Variants in CSNK1G1 observed in about 807,000 individuals in gnomAD.
CSNK1G1 encodes casein kinase I isoform gamma-1.
A neutral mutation model predicts 59.6 loss-of-function variants in CSNK1G1; 22 were observed. That is an observed-to-expected ratio of 0.37 (90% CI 0.26 to 0.53). The LOEUF (loss-of-function observed/expected upper bound fraction) is 0.53. CSNK1G1 is among the 20% of genes least tolerant of loss of function. The pLI is 0.89. For missense variants in CSNK1G1, 384 were observed against 519.5 expected, an observed-to-expected ratio of 0.74 and a Z score of 2.54; for synonymous variants, 179 against 177.1, an observed-to-expected ratio of 1.01 and a Z score of -0.08.
At chr15:64,262,032 A>C (rs1052481388) in intron 2 of CSNK1G1, among the ~76,000 whole-genome samples, 1 of 152,202 alleles carries the variant, frequency 6.6e-6, no homozygotes. Context: ...TTAAAGTTTA[A>C]AATGAAAGGT....
At position 64,188,977 on chromosome 15, in the gene CSNK1G1, T is replaced by C. The variant is rs1292433460; in HGVS notation, c.1108-8523A>G. Reference sequence around the variant, plus strand: ...CCTGTCTCTACTAAAATTACAAAAATGAGCTGGGCATGGTGGCGCACACCT... The same window carrying C: ...CCTGTCTCTACTAAAATTACAAAAACGAGCTGGGCATGGTGGCGCACACCT... On this transcript the variant is annotated intron_variant, in intron 10 of 11. Transcript: ENST00000303052. The surrounding 1 kb of genome is among the most constrained non-coding windows in gnomAD (Gnocchi z 4.2). 2.0e-5 allele frequency among the ~76,000 whole-genome samples: 3 copies of C among 152,030 alleles called. No homozygotes were observed. The highest frequency in any genetic ancestry group is 6.6e-5 in the Admixed American group (1 of 15,260).
At chr15:64,277,768 G>A (rs1369923449) in intron 2 of CSNK1G1, among the ~76,000 whole-genome samples, 1 of 117,052 alleles carries the variant, frequency 8.5e-6, no homozygotes, top group Admixed American at 9.9e-5. Context: ...TAGCAATATT[G>A]ATATATTTAA....
rs775180562 is a variant in CSNK1G1, at chr15:64,180,344, G to A, written c.1214+4C>T. 1.4e-5 allele frequency: 23 copies of A among 1,610,204 alleles called. No individual in the cohort carries two copies. Among genetic ancestry groups the A allele is most frequent in the African/African-American group, 2.7e-5 (2 of 74,840 alleles). ...TTAAGAGCCCCCTTGAAAGATGTAC[G>A]TACTTAGCTTCCTCCACTACCTCCA... On this transcript the variant is annotated splice_donor_region_variant and intron_variant, in intron 11 of 11. Coordinates refer to ENST00000303052, the MANE Select transcript of CSNK1G1 (RefSeq NM_022048.5).
At chr15:64,233,934 A>G (rs1433638858) in intron 4 of CSNK1G1, among the ~76,000 whole-genome samples, 1 of 152,224 alleles carries the variant, frequency 6.6e-6, no homozygotes, top group Non-Finnish European at 1.5e-5. Flanking sequence ...TACAACATCA[A>G]TGGAAACATT....
chr15:64,273,155 G>C (rs555918816), intron 2 of CSNK1G1, among the ~76,000 whole-genome samples: 1 of 152,280 alleles, frequency 6.6e-6, no homozygotes, highest in South Asian at 2.1e-4. Context: ...AGAGAATCTT[G>C]AAAGTTATTA....
intron 2 of CSNK1G1, among the ~76,000 whole-genome samples, chr15:64,265,118 A>G (rs768401915): frequency 1.3e-5 from 2 of 152,200 alleles, no homozygotes; most frequent in Non-Finnish European, 2.9e-5. Context: ...AGAAAATCCC[A>G]AAGACTCCAC....
chr15:64,234,714 C>T (rs1456336876), intron 4 of CSNK1G1, among the ~76,000 whole-genome samples: 1 of 152,152 alleles, frequency 6.6e-6, no homozygotes, highest in African/African-American at 2.4e-5. Flanking sequence ...GTAAGCTCTC[C>T]ATTTCCTTGT....
intron 1 of CSNK1G1, among the ~76,000 whole-genome samples, chr15:64,317,247 C>A (rs1896323854): frequency 6.6e-6 from 1 of 152,156 alleles, no homozygotes; most frequent in African/African-American, 2.4e-5. Flanking sequence ...CGCCACTACG[C>A]CCGGCTAATT....
chr15:64,184,086 G>C (rs1008232468), intron 10 of CSNK1G1, among the ~76,000 whole-genome samples: 1 of 151,618 alleles, frequency 6.6e-6, no homozygotes, highest in Non-Finnish European at 1.5e-5. Flanking sequence ...GGCGGATCAC[G>C]AGGTCAGGAG....
chr15:64,246,639 AGGG>A (rs35838047), intron 4 of CSNK1G1, among the ~76,000 whole-genome samples: 1 of 88,958 alleles, frequency 1.1e-5, no homozygotes, highest in Admixed American at 1.2e-4. Flanking sequence ...AAAAAAAAAA[AGGG>A]GGGGGGGGAG....
At chr15:64,228,184 T>C (rs2082487196) in intron 4 of CSNK1G1, among the ~76,000 whole-genome samples, 1 of 152,214 alleles carries the variant, frequency 6.6e-6, no homozygotes, top group East Asian at 1.9e-4. Context: ...TCTGTGGTTC[T>C]CAAGCCTTGT....
In CSNK1G1 at chr15:64,242,655, T is replaced by TTTA. The variant is rs569349309; in HGVS notation, c.292+8854_292+8856dup. ...GGCTTCACTACTGAATTCAACCAGA[T>TTTA]TTATATCAATAACTAATATAAATTC... On this transcript the variant is annotated intron_variant, in intron 4 of 11. Transcript: ENST00000303052. 2.4e-3 allele frequency among the ~76,000 whole-genome samples: 363 copies of TTTA among 152,294 alleles called. 1 individual carries two copies. Among genetic ancestry groups the TTTA allele is most frequent in the African/African-American group, 8.5e-3 (353 of 41,556 alleles).
At chr15:64,261,994 T>C (rs1050480602) in intron 2 of CSNK1G1, among the ~76,000 whole-genome samples, 2 of 152,072 alleles carry the variant, frequency 1.3e-5, no homozygotes, top group East Asian at 1.9e-4. Context: ...TCCTACTTCC[T>C]GTATAATTGC....
chr15:64,219,265 C>T (rs2082354472), intron 4 of CSNK1G1, among the ~76,000 whole-genome samples: 1 of 152,206 alleles, frequency 6.6e-6, no homozygotes, highest in African/African-American at 2.4e-5. Context: ...ACATCCAAAG[C>T]AGAACACTCT....
intron 1 of CSNK1G1, among the ~76,000 whole-genome samples, chr15:64,309,309 A>AACACACACACACAC (rs66467610): frequency 4.8e-5 from 7 of 146,388 alleles, no homozygotes; most frequent in Admixed American, 1.4e-4. Flanking sequence ...TAGTGAATAA[A>AACACACACACACAC]ACACACACAC....
chr15:64,302,383 G>A (rs181692624), intron 1 of CSNK1G1, among the ~76,000 whole-genome samples: 147 of 152,212 alleles, frequency 9.7e-4, no homozygotes, highest in African/African-American at 3.3e-3. Context: ...TTACAGGCGT[G>A]AGCCACCATG....
intron 1 of CSNK1G1, among the ~76,000 whole-genome samples, chr15:64,305,715 CAAA>C (rs1895648191): frequency 9.3e-6 from 1 of 107,626 alleles, no homozygotes; most frequent in African/African-American, 3.5e-5. Flanking sequence ...AAAACAAAAA[CAAA>C]AACAAAAAAA....
intron 10 of CSNK1G1, among the ~76,000 whole-genome samples, chr15:64,189,773 T>C (rs1055875742): frequency 3.0e-4 from 46 of 152,176 alleles, no homozygotes; most frequent in African/African-American, 1.1e-3. Context: ...CAAAAAGGCA[T>C]TTCTCGTAAA....
At chr15:64,333,427 C>T (rs1419111371) in intron 1 of CSNK1G1, among the ~76,000 whole-genome samples, 1 of 48,712 alleles carries the variant, frequency 2.1e-5, no homozygotes, top group Non-Finnish European at 3.7e-5. Flanking sequence ...CAGTGAGACA[C>T]CATCTCAAAA....
Sources: allele counts gnomAD v4.1 joint callset (sites outside exome capture counted in the v4.1 genomes callset), GRCh38; gene constraint gnomAD v4.1.1; non-coding constraint Gnocchi (gnomAD v3.1); transcripts MANE v1.5; gene names NCBI Gene and HGNC (gene_info 2026-07-23, HGNC 2026-07-21).